ACACB: variants seen among roughly 807,000 people sequenced by gnomAD.
ACACB encodes the protein acetyl-CoA carboxylase beta.
A neutral mutation model predicts 278.8 loss-of-function variants in ACACB; 209 were observed. That is an observed-to-expected ratio of 0.75 (90% CI 0.67 to 0.84). The LOEUF (loss-of-function observed/expected upper bound fraction) is 0.84, where lower values mean the gene tolerates loss of function less well. Among genes scored for constraint, ACACB ranks in the 40% least tolerant of loss-of-function variants. The pLI is 0.00. For missense variants in ACACB, 2,850 were observed against 3,269.0 expected, an observed-to-expected ratio of 0.87 and a Z score of 3.13; for synonymous variants, 1,174 against 1,285.6, an observed-to-expected ratio of 0.91 and a Z score of 1.86.
chr12:109,236,128 C>CTACA, intron 33 of ACACB: 1 of 156,588 alleles, frequency 6.4e-6, no homozygotes, highest in Non-Finnish European at 1.4e-5. Flanking sequence ...CACCGTGCCT[C>CTACA]CCAGCTCCCT....
At chr12:109,256,338 C>T (rs2047224248) in intron 45 of ACACB, 102 bp downstream of exon 45, 2 of 881,910 alleles carry the variant, frequency 2.3e-6, no homozygotes, top group Non-Finnish European at 3.6e-6. Flanking sequence ...TTCTTCTTGG[C>T]CTCAGGATTT....
At chr12:109,134,974 A>G (rs753979460) in intron 1 of ACACB, among the ~76,000 whole-genome samples, 5 of 152,260 alleles carry the variant, frequency 3.3e-5, no homozygotes, top group African/African-American at 4.8e-5. Context: ...AAAGATACCC[A>G]TAGTACTGCT....
intron 36 of ACACB, 59 bp downstream of exon 36, chr12:109,241,340 A>T (rs2046794411): frequency 6.5e-7 from 1 of 1,538,794 alleles, no homozygotes; most frequent in South Asian, 1.1e-5. Context: ...TGCTTGGGCC[A>T]TCAATTTGTA....
At position 109,233,678 on chromosome 12, in the gene ACACB, G is replaced by A. The variant is rs190636336; in HGVS notation, c.4140-70G>A. The A allele has an allele frequency of 5.2e-6, 7 of 1,347,318 alleles. No individual in the cohort carries two copies. In the Admixed American group the frequency reaches 1.0e-4, roughly 20 times the overall value. 83.5% of individuals were successfully genotyped at this position (1,347,318 alleles called of 1,614,324 possible). On this transcript the variant is annotated intron_variant, in intron 29 of 52. Transcript: ENST00000338432. ...AGGGTCTGGCGTTCCCTGCTGCCTGGCTTGGAAGCTTGACCTCATCCCCAT... is the reference window on the plus strand; with the variant it reads ...AGGGTCTGGCGTTCCCTGCTGCCTGACTTGGAAGCTTGACCTCATCCCCAT...
intron 13 of ACACB, among the ~76,000 whole-genome samples, chr12:109,188,729 A>G (rs976514678): frequency 1.3e-5 from 2 of 152,102 alleles, no homozygotes; most frequent in South Asian, 2.1e-4. Context: ...TTGAAGATCC[A>G]CAAAGTAAAA....
Position 109,242,520 on chromosome 12 carries a change from C to T in ACACB, c.5106C>T (p.Leu1702=). ...INTPYVTKDL[L]QAKRFQAQTL... ...CTCCCTACGTCACCAAGGATCTGCT[C>T]CAGGCCAAGCGATTCCAGGCCCAGA... Residue 1702 remains leucine, a synonymous_variant, in exon 37 of 53, where the codon CTC becomes CTT. Transcript: ENST00000338432. The T allele has an allele frequency of 1.2e-6, 2 of 1,614,156 alleles. No individual in the cohort carries two copies. The highest frequency in any genetic ancestry group is 2.2e-5 in the South Asian group (2 of 91,082).
chr12:109,233,952 G>A lies in ACACB; in HGVS notation c.4254G>A (p.Glu1418=). Residue 1418 remains glutamate (E), a synonymous_variant, in exon 31 of 53, where the codon GAG becomes GAA. Transcript: ENST00000338432. ...CTCCCTCTCAGAGCCTCAGAGAAGA[G>A]CCCATCCACATTCTGAATGTGTCCA... ...SEDDCKSLRE[E]PIHILNVSIQ... 6.2e-7 allele frequency: 1 copy of A among 1,614,134 alleles called. No homozygotes were observed. The highest frequency in any genetic ancestry group is 8.5e-7 in the Non-Finnish European group (1 of 1,180,028).
chr12:109,191,927 A>C lies in ACACB; in HGVS notation c.2376A>C (p.Thr792=). Reference sequence around the variant, plus strand: ...ATGCGATGTTCAGAACGTGCATGACAGATTTCTTACACTCCCTGGAAAGGT... The same window carrying C: ...ATGCGATGTTCAGAACGTGCATGACCGATTTCTTACACTCCCTGGAAAGGT... ...VADAMFRTCM[T]DFLHSLERGQ... Residue 792 remains threonine, a synonymous_variant, in exon 15 of 53, where the codon ACA becomes ACC. Transcript: ENST00000338432. 1 of 1,614,172 alleles carries C rather than the reference A, an allele frequency of 6.2e-7. No individual in the cohort carries two copies. Among genetic ancestry groups the C allele is most frequent in the Non-Finnish European group, 8.5e-7 (1 of 1,180,030 alleles).
intron 34 of ACACB, among the ~76,000 whole-genome samples, chr12:109,237,898 G>C (rs1406970385): frequency 3.3e-5 from 5 of 151,636 alleles, no homozygotes; most frequent in African/African-American, 1.2e-4. Flanking sequence ...TGTAATTCCA[G>C]CTACTCAGGA....
intron 12 of ACACB, among the ~76,000 whole-genome samples, chr12:109,186,183 G>A (rs575203803): frequency 2.6e-5 from 4 of 152,038 alleles, no homozygotes; most frequent in South Asian, 2.1e-4. Context: ...CACCCGCCTC[G>A]GCCTCCCAAA....
rs2047219962 is a variant in ACACB at position 109,256,207 on chromosome 12, G to A, written c.6234G>A (p.Trp2078Ter). ...GTTTCAAGGAAATCATGGCACCCTG[G>A]GCGCAGACCGTGGTGACAGGACGAG... ...HGSFKEIMAP[W>*]AQTVVTGRAR... Residue 2078 changes from tryptophan to a stop codon, truncating the protein, a stop_gained, in exon 45 of 53, where the codon TGG becomes TGA. Coordinates refer to ENST00000338432, the MANE Select transcript of ACACB (RefSeq NM_001093.4). LOFTEE classifies it high-confidence loss of function. The A allele has an allele frequency of 6.2e-7, 1 of 1,614,006 alleles. No homozygotes were observed.
At chr12:109,242,305 C>T (rs1464181773) in intron 36 of ACACB, 132 bp from the exon 37 acceptor site, 3 of 984,192 alleles carry the variant, frequency 3.0e-6, no homozygotes, top group Non-Finnish European at 4.6e-6. Context: ...GTAGCCCAGG[C>T]ACTCACTTTG....
chr12:109,207,123 T>G (rs890066547), intron 20 of ACACB, among the ~76,000 whole-genome samples: 1 of 152,148 alleles, frequency 6.6e-6, no homozygotes, highest in African/African-American at 2.4e-5. Context: ...GCCCGGCTAA[T>G]TTTTTGTATT....
intron 2 of ACACB, among the ~76,000 whole-genome samples, chr12:109,164,428 C>T (rs2043833047): frequency 6.6e-6 from 1 of 152,052 alleles, no homozygotes; most frequent in African/African-American, 2.4e-5. Context: ...AGATGGGGTT[C>T]ACCATATTGG....
Position 109,244,309 on chromosome 12 carries a change from G to A in ACACB, c.5179-1317G>A, listed in dbSNP as rs145181602. Among the ~76,000 whole-genome samples, 6 of 152,290 alleles carry A rather than the reference G, an allele frequency of 3.9e-5. No homozygotes were observed. The East Asian group carries it at 5.8e-4, about 15-fold the overall frequency. ...TTTAGAGTAACTCGGGCCTCAGCTC[G>A]AATGCTGGATCTGTCCCCTTGCTTC... On this transcript the variant is annotated intron_variant, in intron 37 of 52. Coordinates refer to ENST00000338432, the MANE Select transcript of ACACB (RefSeq NM_001093.4).
At chr12:109,163,341 C>G (rs946385317) in intron 2 of ACACB, among the ~76,000 whole-genome samples, 1 of 152,136 alleles carries the variant, frequency 6.6e-6, no homozygotes, top group Non-Finnish European at 1.5e-5. Flanking sequence ...TTAATATCAT[C>G]GTTGAGGTCA....
intron 1 of ACACB, among the ~76,000 whole-genome samples, chr12:109,134,406 G>C (rs2042919016): frequency 6.6e-6 from 1 of 152,180 alleles, no homozygotes; most frequent in Non-Finnish European, 1.5e-5. Context: ...GGCCCCGTAT[G>C]CCCTCCTTTC....
At chr12:109,241,546 C>T in intron 36 of ACACB, 1 of 434,564 alleles carries the variant, frequency 2.3e-6, no homozygotes, top group Admixed American at 3.6e-5. Flanking sequence ...CAAGGTGTCA[C>T]CATATTGGCC....
rs750672263 is a variant in ACACB at position 109,266,568 on chromosome 12, T to C, written c.*206T>C. Reference sequence around the variant, plus strand: ...CCAAACAAAAACAGCCTCCTCTCCATAGCTGGGAAGTTTATTTTGTTTTGT... The same window carrying C: ...CCAAACAAAAACAGCCTCCTCTCCACAGCTGGGAAGTTTATTTTGTTTTGT... On this transcript the variant is annotated 3_prime_UTR_variant, in exon 53 of 53. Coordinates refer to ENST00000338432, the MANE Select transcript of ACACB (RefSeq NM_001093.4). The C allele has an allele frequency of 1.1e-5, 5 of 459,948 alleles. No homozygotes were observed. The highest frequency in any genetic ancestry group is 2.0e-5 in the African/African-American group (1 of 49,132). 28.5% of individuals were successfully genotyped at this position (459,948 alleles called of 1,614,324 possible).
Sources: allele counts gnomAD v4.1 joint callset (sites outside exome capture counted in the v4.1 genomes callset), GRCh38; gene constraint gnomAD v4.1.1; transcripts MANE v1.5; gene names NCBI Gene and HGNC (gene_info 2026-07-23, HGNC 2026-07-21).